The following GLRB variants were observed in gnomAD, a reference collection of about 807,000 sequenced individuals.
GLRB encodes glycine receptor subunit beta.
A neutral mutation model predicts 54.2 loss-of-function variants in GLRB; 33 were observed. The observed-to-expected ratio is 0.61, with a 90% CI of 0.46 to 0.81. GLRB has a LOEUF of 0.81. Among genes scored for constraint, GLRB ranks in the 40% least tolerant of loss-of-function variants. The pLI is 0.00. For synonymous variants in GLRB, 209 were observed against 208.2 expected (o/e 1.00, Z -0.03); for missense variants, 572 against 584.6 (o/e 0.98, Z 0.22).
At chr4:157,083,525 A>G (rs145903190) in intron 2 of GLRB, among the ~76,000 whole-genome samples, 1 of 152,168 alleles carries the variant, frequency 6.6e-6, no homozygotes, top group Non-Finnish European at 1.5e-5. Context: ...GTTGAGCATT[A>G]CACAGGCGGT....
chr4:157,098,718 G>A (rs1444294842), intron 2 of GLRB, among the ~76,000 whole-genome samples: 1 of 151,896 alleles, frequency 6.6e-6, no homozygotes, highest in Non-Finnish European at 1.5e-5. Context: ...CAATTCCCCT[G>A]CCTCAGCCTC....
intron 2 of GLRB, among the ~76,000 whole-genome samples, chr4:157,100,899 T>C (rs1579197904): frequency 6.6e-6 from 1 of 152,196 alleles, no homozygotes; most frequent in South Asian, 2.1e-4. Context: ...ATTACTGTTA[T>C]GAATTTGGGG....
At chr4:157,090,008 G>A (rs756651551) in intron 2 of GLRB, among the ~76,000 whole-genome samples, 7 of 152,024 alleles carry the variant, frequency 4.6e-5, no homozygotes, top group Non-Finnish European at 8.8e-5. Context: ...CCTCATCTCT[G>A]CTTTTATGGT....
At chr4:157,146,262 G>A (rs1377380708) in intron 8 of GLRB, among the ~76,000 whole-genome samples, 15 of 152,010 alleles carry the variant, frequency 9.9e-5, no homozygotes, top group Middle Eastern at 3.4e-3. Flanking sequence ...TGATCTGCCC[G>A]CCTCGACCTC....
At chr4:157,147,085 A>G (rs1736840167) in intron 8 of GLRB, among the ~76,000 whole-genome samples, 1 of 152,156 alleles carries the variant, frequency 6.6e-6, no homozygotes, top group South Asian at 2.1e-4. Flanking sequence ...AGTTAGGTGG[A>G]GATATCAGAT....
chr4:157,093,754 C>CAAAAAAAAAAAAAA (rs70958808), intron 2 of GLRB, among the ~76,000 whole-genome samples: 2 of 60,842 alleles, frequency 3.3e-5, no homozygotes, highest in African/African-American at 6.9e-5. Flanking sequence ...GACTCCATCT[C>CAAAAAAAAAAAAAA]AAAAAAAAAA....
chr4:157,105,301 G>A (rs1025674268), intron 2 of GLRB, among the ~76,000 whole-genome samples: 1 of 151,820 alleles, frequency 6.6e-6, no homozygotes, highest in Admixed American at 6.6e-5. Flanking sequence ...TGTTCAAAAT[G>A]TGTTAATTTC....
intron 9 of GLRB, among the ~76,000 whole-genome samples, chr4:157,155,682 G>A (rs1355945439): frequency 1.3e-5 from 2 of 152,160 alleles, no homozygotes; most frequent in African/African-American, 2.4e-5. Flanking sequence ...TAGGTAAAGT[G>A]TCACTTATCT....
chr4:157,170,476 T>A lies in GLRB; in HGVS notation c.1242T>A (p.Asp414Glu). Residue 414 changes from aspartate (D) to glutamate (E), a missense_variant, in exon 10 of 10, where the codon GAT becomes GAA. Transcript: ENST00000264428. ...RCKKVCTSKS[D>E]LRSNDFSIVG... ...AAAAAGTTTGTACTTCTAAGTCTGA[T>A]CTGAGATCTAATGACTTCAGCATTG... 6.2e-7 allele frequency: 1 copy of A among 1,608,714 alleles called. No individual in the cohort carries two copies. Among genetic ancestry groups the A allele is most frequent in the Non-Finnish European group, 8.5e-7 (1 of 1,175,310 alleles).
At chr4:157,139,109 G>C (rs996555222) in intron 7 of GLRB, among the ~76,000 whole-genome samples, 160 bp downstream of exon 7, 2 of 149,808 alleles carry the variant, frequency 1.3e-5, no homozygotes, top group African/African-American at 5.0e-5. Flanking sequence ...TCACAGAATT[G>C]TATTCACTAG....
intron 2 of GLRB, among the ~76,000 whole-genome samples, chr4:157,114,795 G>A (rs1200702064): frequency 6.6e-6 from 1 of 151,768 alleles, no homozygotes; most frequent in Non-Finnish European, 1.5e-5. Flanking sequence ...TTGAGAGGAA[G>A]ACCCGCGGGT....
intron 9 of GLRB, among the ~76,000 whole-genome samples, chr4:157,161,686 C>T (rs915041034): frequency 6.6e-6 from 1 of 152,220 alleles, no homozygotes; most frequent in Non-Finnish European, 1.5e-5. Flanking sequence ...TGTAGAGTTT[C>T]TGCCAAGAGA....
intron 9 of GLRB, among the ~76,000 whole-genome samples, chr4:157,156,945 G>A (rs1219999124): frequency 6.6e-6 from 1 of 152,112 alleles, no homozygotes; most frequent in African/African-American, 2.4e-5. Flanking sequence ...GCTCTGTTCT[G>A]TCAGGGGAAG....
intron 2 of GLRB, among the ~76,000 whole-genome samples, chr4:157,094,255 T>C (rs1734724837): frequency 6.6e-6 from 1 of 152,340 alleles, no homozygotes; most frequent in East Asian, 1.9e-4. Flanking sequence ...TACCATTCAG[T>C]AAATTAATTT....
chr4:157,115,435 C>T (rs772576848), intron 2 of GLRB, among the ~76,000 whole-genome samples: 2 of 151,696 alleles, frequency 1.3e-5, no homozygotes, highest in Non-Finnish European at 2.9e-5. Context: ...TAATTCCTTT[C>T]TGAGTCCTTT....
At chr4:157,105,844 G>T (rs887202822) in intron 2 of GLRB, among the ~76,000 whole-genome samples, 51 of 151,750 alleles carry the variant, frequency 3.4e-4, no homozygotes, top group African/African-American at 1.2e-3. Flanking sequence ...CTCTAATTTG[G>T]TTAACATTTG....
chr4:157,169,778 T>C (rs2126636616), intron 9 of GLRB, among the ~76,000 whole-genome samples: 1 of 152,288 alleles, frequency 6.6e-6, no homozygotes, highest in Admixed American at 6.5e-5. Context: ...TGAATAATAA[T>C]CTCTGTAGCA....
At chr4:157,151,032 T>C (rs1254131045) in intron 8 of GLRB, among the ~76,000 whole-genome samples, 2 of 152,238 alleles carry the variant, frequency 1.3e-5, no homozygotes, top group Admixed American at 6.5e-5. Context: ...TACAGAACTC[T>C]GAAGGCCTTC....
intron 7 of GLRB, among the ~76,000 whole-genome samples, chr4:157,139,637 A>T (rs1449961311): frequency 2.0e-5 from 3 of 152,036 alleles, no homozygotes; most frequent in Admixed American, 1.3e-4. Flanking sequence ...AGGGTTTTAG[A>T]TACTGAATAT....
Sources: allele counts gnomAD v4.1 joint callset (sites outside exome capture counted in the v4.1 genomes callset), GRCh38; gene constraint gnomAD v4.1.1; transcripts MANE v1.5; gene names NCBI Gene and HGNC (gene_info 2026-07-23, HGNC 2026-07-21).